MTAP: variants seen among roughly 807,000 people sequenced by gnomAD.
MTAP encodes the protein S-methyl-5'-thioadenosine phosphorylase.
MTAP carries 33 observed loss-of-function variants against 33.6 expected under a neutral mutation model. The ratio of observed to expected loss-of-function variants is 0.98; its 90% confidence interval spans 0.74 to 1.31. MTAP has a LOEUF of 1.31. Among genes scored for constraint, MTAP ranks in the 40% most tolerant of loss-of-function variants. The pLI is 0.00. For missense variants in MTAP, 367 were observed against 360.0 expected, an observed-to-expected ratio of 1.02 and a Z score of -0.16; for synonymous variants, 148 against 125.7, an observed-to-expected ratio of 1.18 and a Z score of -1.19.
chr9:21,851,469 TTATG>T (rs1263176319), intron 5 of MTAP, among the ~76,000 whole-genome samples: 3 of 152,222 alleles, frequency 2.0e-5, no homozygotes, highest in South Asian at 4.1e-4. Context: ...ATTGCTAACT[TTATG>T]TAGTAGTATT....
chr9:21,868,883 C>T (rs1435143660), downstream of MTAP, among the ~76,000 whole-genome samples: 1 of 152,186 alleles, frequency 6.6e-6, no homozygotes, highest in Non-Finnish European at 1.5e-5. Context: ...CCCAGAGTTT[C>T]CGATTCAGGA....
At chr9:21,846,431 G>T (rs1411254603) in intron 5 of MTAP, among the ~76,000 whole-genome samples, 1 of 150,036 alleles carries the variant, frequency 6.7e-6, no homozygotes, top group Non-Finnish European at 1.5e-5. Context: ...AAAAAAAAAG[G>T]TCGCTAAGTA....
rs1330244505 is a variant in MTAP, at chr9:21,883,323, A to G, written c.147+28453A>G. ...AAGAGAAATGAAAATTTAAAACACC[A>G]CAATGAGATACCTCTACACCCCATC... On this transcript the variant is annotated intron_variant, in intron 1 of 1. Coordinates refer to the MTAP transcript ENST00000577563. Among the ~76,000 whole-genome samples the G allele has an allele frequency of 2.0e-5, 3 of 152,114 alleles. No homozygotes were observed. In the East Asian group the frequency reaches 5.8e-4, roughly 29 times the overall value.
chr9:21,925,204 A>G (rs74578980), intron 1 of MTAP, among the ~76,000 whole-genome samples: 129 of 152,336 alleles, frequency 8.5e-4, no homozygotes, highest in Middle Eastern at 3.4e-3. Flanking sequence ...TGGTCTTAAT[A>G]GATCAAGGAC....
Position 21,818,218 on chromosome 9 carries a change from A to G in MTAP, c.347+16A>G. 6.2e-7 allele frequency: 1 copy of G among 1,611,786 alleles called. No individual in the cohort carries two copies. Among genetic ancestry groups the G allele is most frequent in the Non-Finnish European group, 8.5e-7 (1 of 1,179,106 alleles). On this transcript the variant is annotated intron_variant, in intron 4 of 7. Transcript: ENST00000644715. The stretch of plus-strand genomic sequence containing the variant: ...TCATTGACAGGTAAGCAGTCATACA[A>G]AATGCTTTAGGCTATTGTAGCTGGT...
chr9:21,898,254 C>T (rs11536713), intron 1 of MTAP, among the ~76,000 whole-genome samples: 37,133 of 152,070 alleles, frequency 0.24, 4,851 homozygotes, highest in East Asian at 0.38. Context: ...AAGACTTAAA[C>T]GTTAGACCTA....
chr9:21,930,957 A>G (rs899286374), intron 1 of MTAP: 3 of 719,640 alleles, frequency 4.2e-6, no homozygotes, highest in Non-Finnish European at 7.6e-6. Flanking sequence ...CTTTCAGTCC[A>G]TGTCTTCAAA....
intron 5 of MTAP, among the ~76,000 whole-genome samples, chr9:21,853,079 A>C (rs1268535992): frequency 6.6e-6 from 1 of 152,232 alleles, no homozygotes; most frequent in South Asian, 2.1e-4. Context: ...ATGCTGGTTC[A>C]GGTGGCTGAC....
At chr9:21,904,540 TAA>T (rs1468021653) in intron 1 of MTAP, among the ~76,000 whole-genome samples, 2 of 152,178 alleles carry the variant, frequency 1.3e-5, no homozygotes, top group African/African-American at 4.8e-5. Context: ...AGACACTGTA[TAA>T]GTCACTTTCT....
chr9:21,864,598 T>C lies in MTAP; in HGVS notation c.*2584T>C, dbSNP rs1194833460. The stretch of plus-strand genomic sequence containing the variant: ...CTGGCCCTGTGGTCCCCGAGGGTCA[T>C]GGTCCTTGTGACCTGGCCCCTGTTC... On this transcript the variant is annotated 3_prime_UTR_variant, in exon 8 of 8. Coordinates refer to ENST00000644715, the MANE Select transcript of MTAP (RefSeq NM_002451.4). The C allele has an allele frequency of 1.0e-6, 1 of 985,428 alleles. No individual in the cohort carries two copies. Among genetic ancestry groups the C allele is most frequent in the African/African-American group, 1.7e-5 (1 of 57,248 alleles). The allele number at this position is 985,428 out of a possible 1,614,324, so 61.0% of individuals were successfully genotyped here.
intron 5 of MTAP, among the ~76,000 whole-genome samples, chr9:21,845,835 G>A (rs890976171): frequency 1.3e-5 from 2 of 152,096 alleles, no homozygotes; most frequent in African/African-American, 4.8e-5. Context: ...AGAACAATCT[G>A]GAGGTATCAC....
At chr9:21,897,485 T>C (rs911042368) in intron 1 of MTAP, among the ~76,000 whole-genome samples, 7 of 152,168 alleles carry the variant, frequency 4.6e-5, no homozygotes, top group Admixed American at 3.3e-4. Flanking sequence ...GAAAACCCCA[T>C]TGTCTCAGCC....
chr9:21,888,859 A>G (rs1483831137), intron 1 of MTAP, among the ~76,000 whole-genome samples: 2 of 152,140 alleles, frequency 1.3e-5, no homozygotes, highest in African/African-American at 4.8e-5. Flanking sequence ...TAAAGTCAAT[A>G]TGATGGAAAT....
chr9:21,824,809 C>T (rs1035847046), intron 4 of MTAP, among the ~76,000 whole-genome samples: 3 of 152,212 alleles, frequency 2.0e-5, no homozygotes, highest in Non-Finnish European at 4.4e-5. Flanking sequence ...GGTGGGCGCC[C>T]ATCCCCCAGC....
rs1400280311 is a variant in MTAP at position 21,862,851 on chromosome 9, T to A, written c.*837T>A. The A allele has an allele frequency of 7.1e-6, 5 of 704,238 alleles. No individual in the cohort carries two copies. In the Admixed American group the frequency reaches 2.5e-4, roughly 35 times the overall value. The allele number at this position is 704,238 out of a possible 1,614,324, so 43.6% of individuals were successfully genotyped here. A position where few individuals can be genotyped will look rare whatever the true frequency, so the allele number is the denominator to read the frequency against. On this transcript the variant is annotated 3_prime_UTR_variant, in exon 8 of 8. Transcript: ENST00000644715. ...GGGGGAGGGATACTGGGATAATTTT[T>A]ATTTTCTTTGAATCTTTCTGTGTCT...
chr9:21,854,714 C>G lies in MTAP; in HGVS notation c.534C>G (p.Ser178Arg), dbSNP rs1038628856. ...TMVTIEGPRF[S>R]SRAESFMFRT... Reference sequence around the variant, plus strand: ...TCACAATCGAGGGACCTCGTTTTAGCTCCCGGGCAGAAAGCTTCATGTTCC... The same window carrying G: ...TCACAATCGAGGGACCTCGTTTTAGGTCCCGGGCAGAAAGCTTCATGTTCC... The change falls in exon 6 of 8, where the codon AGC becomes AGG. Residue 178 changes from serine to arginine, a missense_variant. Transcript: ENST00000644715. 6.2e-7 allele frequency: 1 copy of G among 1,614,100 alleles called. No individual in the cohort carries two copies.
At chr9:21,845,064 A>G (rs1825345660) in intron 5 of MTAP, among the ~76,000 whole-genome samples, 1 of 150,508 alleles carries the variant, frequency 6.6e-6, no homozygotes, top group Non-Finnish European at 1.5e-5. Context: ...TGACAAACCC[A>G]CAGCCAGTGT....
At chr9:21,826,618 A>ATTG (rs1563836279) in intron 4 of MTAP, among the ~76,000 whole-genome samples, 1 of 55,400 alleles carries the variant, frequency 1.8e-5, no homozygotes, top group East Asian at 8.0e-4. Flanking sequence ...GTTTATTATT[A>ATTG]TTATTATTAT....
chr9:21,826,825 C>A (rs1048636120), intron 4 of MTAP, among the ~76,000 whole-genome samples: 3 of 151,920 alleles, frequency 2.0e-5, no homozygotes, highest in South Asian at 2.1e-4. Flanking sequence ...CCGGGCTGCA[C>A]AGAAGAAGGT....
Sources: allele counts gnomAD v4.1 joint callset (sites outside exome capture counted in the v4.1 genomes callset), GRCh38; gene constraint gnomAD v4.1.1; transcripts MANE v1.5; gene names NCBI Gene and HGNC (gene_info 2026-07-23, HGNC 2026-07-21).